SNX4: variants seen among roughly 807,000 people sequenced by gnomAD.
The protein encoded by SNX4 is sorting nexin-4.
Under a neutral mutation model 70.8 loss-of-function variants are expected in SNX4, and 49 were observed. The observed-to-expected ratio is 0.69, with a 90% confidence interval of 0.55 to 0.88. The LOEUF is 0.88. SNX4 is among the 40% of genes least tolerant of loss of function. The probability of loss-of-function intolerance (pLI) is 0.00; values close to 1 mark genes in which losing one functional copy is unlikely to be tolerated. For synonymous variants in SNX4, 206 were observed against 183.8 expected (o/e 1.12, Z -0.98); for missense variants, 528 against 544.8 (o/e 0.97, Z 0.31).
chr3:125,491,794 T>A (rs1331835708), intron 5 of SNX4, among the ~76,000 whole-genome samples: 1 of 152,204 alleles, frequency 6.6e-6, no homozygotes, highest in Non-Finnish European at 1.5e-5. Context: ...TTCACTTGAT[T>A]CTTGGCTGTC....
rs28384509 is a variant in SNX4, at chr3:125,520,148, C to T, written c.25G>A (p.Glu9Lys). The change falls in exon 1 of 14, where the codon GAG becomes AAG. Residue 9 changes from glutamate (E) to lysine (K), a missense_variant. By Grantham distance (56) the Glu-to-Lys change is moderately conservative. This residue lies in a region of SNX4 where 341 missense variants were observed against 312.2 expected (regional missense o/e 1.09). Coordinates refer to ENST00000251775, the MANE Select transcript of SNX4 (RefSeq NM_003794.4). MEQAPPDP[E>K]RQLQPAPLEP... ...AAGGGCGCCGGCTGGAGCTGCCGCT[C>T]GGGGTCCGGAGGTGCCTGCTCCATG... 2.2e-5 allele frequency: 28 copies of T among 1,275,434 alleles called. No homozygotes were observed. Among genetic ancestry groups the T allele is most frequent in the Non-Finnish European group, 2.6e-5 (26 of 999,210 alleles). The allele number at this position is 1,275,434 out of a possible 1,614,324, so 79.0% of individuals were successfully genotyped here. A position where few individuals can be genotyped will look rare whatever the true frequency, so the allele number is the denominator to read the frequency against.
At chr3:125,458,045 C>T (rs1158269232) in intron 10 of SNX4, among the ~76,000 whole-genome samples, 1 of 151,910 alleles carries the variant, frequency 6.6e-6, no homozygotes, top group African/African-American at 2.4e-5. Flanking sequence ...TAATGAACTA[C>T]ATACATAATT....
intron 6 of SNX4, among the ~76,000 whole-genome samples, chr3:125,484,847 C>T (rs2107548540): frequency 6.6e-6 from 1 of 152,070 alleles, no homozygotes; most frequent in Middle Eastern, 3.4e-3. Context: ...GGGTGGATCA[C>T]CTGAAGTCAG....
rs368783554 is a variant in SNX4 at position 125,502,598 on chromosome 3, C to T, written c.263+2025G>A. On this transcript the variant is annotated intron_variant, in intron 2 of 13. Transcript: ENST00000251775. ...AAAAAGTATTAACATTGGCCGGATGCGGTGGCTCGTGCCTGTAATCCCAGC... is the reference window on the plus strand; with the variant it reads ...AAAAAGTATTAACATTGGCCGGATGTGGTGGCTCGTGCCTGTAATCCCAGC... 4.6e-5 allele frequency among the ~76,000 whole-genome samples: 7 copies of T among 151,792 alleles called. No individual in the cohort carries two copies. The East Asian group carries it at 9.8e-4, about 21-fold the overall frequency.
At position 125,498,114 on chromosome 3, in the gene SNX4, C is replaced by G; in HGVS notation, c.344G>C (p.Ser115Thr). 1 of 1,614,130 alleles carries G rather than the reference C, an allele frequency of 6.2e-7. No individual in the cohort carries two copies. Among genetic ancestry groups the G allele is most frequent in the East Asian group, 2.2e-5 (1 of 44,878 alleles). The change falls in exon 3 of 14, where the codon AGC (serine) becomes ACC (threonine). Residue 115 changes from serine to threonine, a missense_variant. Transcript: ENST00000251775. The part of the protein sequence containing the change: ...RRYSEFELLR[S>T]YLLVYYPHIV... Reference sequence around the variant, plus strand: ...ATGTGGATAGTAAACTAAAAGGTAGCTTCTCAACAACTCAAATTCACTATA... The same window carrying G: ...ATGTGGATAGTAAACTAAAAGGTAGGTTCTCAACAACTCAAATTCACTATA...
rs7634270 is a variant in SNX4 at position 125,457,508 on chromosome 3, C to A, written c.945-143G>T. On this transcript the variant is annotated intron_variant, in intron 10 of 13. Transcript: ENST00000251775. The stretch of plus-strand genomic sequence containing the variant: ...AATTTTCAAGTTTAAAATGTAGTAG[C>A]CCAACATTAAAAATGGAATCTAATG... 1.6e-4 allele frequency: 102 copies of A among 636,258 alleles called. No homozygotes were observed. The African/African-American group carries it at 1.7e-3, about 11-fold the overall frequency. 39.4% of individuals were successfully genotyped at this position (636,258 alleles called of 1,614,324 possible). A position where few individuals can be genotyped will look rare whatever the true frequency, so the allele number is the denominator to read the frequency against.
intron 7 of SNX4, 69 bp from the exon 8 acceptor site, chr3:125,476,825 A>G: frequency 4.9e-6 from 4 of 812,436 alleles, no homozygotes; most frequent in South Asian, 4.8e-5. Flanking sequence ...AATAGACCCA[A>G]AAAACAAAAA....
chr3:125,494,945 C>T (rs1427558723), intron 5 of SNX4, among the ~76,000 whole-genome samples: 2 of 152,064 alleles, frequency 1.3e-5, no homozygotes, highest in African/African-American at 4.8e-5. Flanking sequence ...CTATCAGGCT[C>T]AGCTGTCAAT....
chr3:125,462,480 C>T (rs4328761), intron 9 of SNX4, among the ~76,000 whole-genome samples: 9,930 of 150,786 alleles, frequency 0.066, 434 homozygotes, highest in South Asian at 0.1. Flanking sequence ...GTCCCAGGTG[C>T]TCAGGAGGCT....
intron 1 of SNX4, among the ~76,000 whole-genome samples, chr3:125,518,971 C>A (rs1006735872): frequency 7.2e-5 from 11 of 151,846 alleles, no homozygotes; most frequent in Admixed American, 7.2e-4. Context: ...CGAGATCGTG[C>A]CACTGCATTC....
chr3:125,466,148 A>G (rs7623373), intron 9 of SNX4, among the ~76,000 whole-genome samples: 80,921 of 151,206 alleles, frequency 0.54, 22,898 homozygotes, highest in African/African-American at 0.75. Flanking sequence ...AAATAGCATT[A>G]TTTTAAATTT....
intron 1 of SNX4, among the ~76,000 whole-genome samples, chr3:125,512,858 G>A (rs1433125131): frequency 1.3e-5 from 2 of 151,714 alleles, no homozygotes; most frequent in East Asian, 3.9e-4. Context: ...TGCCTCCTGG[G>A]TTCAAGTGAT....
intron 6 of SNX4, among the ~76,000 whole-genome samples, chr3:125,488,294 G>A (rs1257063106): frequency 6.6e-6 from 1 of 151,246 alleles, no homozygotes; most frequent in African/African-American, 2.4e-5. Context: ...TGGCTAACAC[G>A]GCAAAACCCC....
chr3:125,473,416 CTTTT>C (rs1234506736), intron 8 of SNX4, among the ~76,000 whole-genome samples: 3 of 151,936 alleles, frequency 2.0e-5, no homozygotes, highest in South Asian at 2.1e-4. Context: ...ACTCAATTCT[CTTTT>C]TTGTTTTTTT....
intron 1 of SNX4, among the ~76,000 whole-genome samples, chr3:125,508,566 CAAA>C (rs564123552): frequency 3.1e-5 from 3 of 98,332 alleles, no homozygotes; most frequent in Admixed American, 1.2e-4. Flanking sequence ...GACTCTGTCT[CAAA>C]AAAAAAAAAA....
chr3:125,475,101 C>T (rs939812542), intron 8 of SNX4, among the ~76,000 whole-genome samples: 2 of 152,140 alleles, frequency 1.3e-5, no homozygotes, highest in East Asian at 3.8e-4. Flanking sequence ...GAAGAGTTTA[C>T]ATTTTTATAA....
intron 9 of SNX4, among the ~76,000 whole-genome samples, chr3:125,462,640 C>T (rs895470971): frequency 2.2e-5 from 3 of 137,868 alleles, no homozygotes; most frequent in Admixed American, 7.3e-5. Flanking sequence ...ATAGCTGATA[C>T]AAGGTATTGT....
intron 7 of SNX4, among the ~76,000 whole-genome samples, chr3:125,478,607 G>A (rs1934338649): frequency 6.6e-6 from 1 of 151,838 alleles, no homozygotes; most frequent in Non-Finnish European, 1.5e-5. Context: ...AATATATGAT[G>A]GAAAATGTCA....
At chr3:125,489,732 T>C (rs1934609152) in intron 5 of SNX4, among the ~76,000 whole-genome samples, 1 of 152,234 alleles carries the variant, frequency 6.6e-6, no homozygotes. Context: ...AACAGGCATA[T>C]AGCTCTGCAT....
Sources: allele counts gnomAD v4.1 joint callset (sites outside exome capture counted in the v4.1 genomes callset), GRCh38; gene constraint gnomAD v4.1.1; regional missense constraint gnomAD v4.1.1; transcripts MANE v1.5; gene names NCBI Gene and HGNC (gene_info 2026-07-23, HGNC 2026-07-21).